Variants in CDH23 observed in about 807,000 individuals in gnomAD.
CDH23 encodes the protein cadherin-23.
In CDH23, 189 loss-of-function variants were observed where a neutral mutation model predicts 317.1. The observed-to-expected ratio is 0.60, with a 90% CI of 0.53 to 0.67. CDH23 has a LOEUF of 0.67. CDH23 is among the 30% of genes least tolerant of loss of function. CDH23 has a pLI of 0.00. For synonymous variants in CDH23, 1,839 were observed against 1,876.8 expected (o/e 0.98, Z 0.52); for missense variants, 4,401 against 4,592.4 (o/e 0.96, Z 1.20).
At chr10:71,453,052 C>T (rs577616026) in intron 3 of CDH23, among the ~76,000 whole-genome samples, 3 of 152,324 alleles carry the variant, frequency 2.0e-5, no homozygotes, top group Admixed American at 2.0e-4. Context: ...GCTCCCTGTC[C>T]TTCCTTTTGT....
intron 48 of CDH23, among the ~76,000 whole-genome samples, chr10:71,794,205 T>A (rs557536858): frequency 6.6e-6 from 1 of 152,326 alleles, no homozygotes; most frequent in African/African-American, 2.4e-5. Flanking sequence ...TTTCACCATG[T>A]TGGCCAGGCT....
intron 22 of CDH23, among the ~76,000 whole-genome samples, chr10:71,697,204 G>C (rs544237754): frequency 6.6e-6 from 1 of 152,200 alleles, no homozygotes; most frequent in African/African-American, 2.4e-5. Context: ...TGGTCCCCCC[G>C]CCCTTCACCA....
chr10:71,500,757 CTGTTT>C (rs1330420339), intron 3 of CDH23, among the ~76,000 whole-genome samples: 7 of 142,152 alleles, frequency 4.9e-5, no homozygotes, highest in Non-Finnish European at 7.6e-5. Context: ...CCCTCTGAGC[CTGTTT>C]TCTTTTCTTT....
intron 3 of CDH23, among the ~76,000 whole-genome samples, chr10:71,495,085 C>A (rs1852887552): frequency 6.6e-6 from 1 of 152,176 alleles, no homozygotes; most frequent in Admixed American, 6.5e-5. Context: ...CTGGGCTGGA[C>A]CCCCACTTCC....
chr10:71,615,912 C>T (rs1861163120), intron 10 of CDH23, among the ~76,000 whole-genome samples: 1 of 152,224 alleles, frequency 6.6e-6, no homozygotes. Flanking sequence ...ATCCTGTGGT[C>T]CTTCCTTACT....
At chr10:71,782,110 T>G (rs1327537961) in intron 41 of CDH23, among the ~76,000 whole-genome samples, 1 of 152,214 alleles carries the variant, frequency 6.6e-6, no homozygotes, top group Non-Finnish European at 1.5e-5. Context: ...GGGAGACAGA[T>G]GCCAGATTTC....
chr10:71,547,496 A>G (rs7080458), intron 6 of CDH23, among the ~76,000 whole-genome samples: 44,051 of 152,128 alleles, frequency 0.29, 7,260 homozygotes, highest in African/African-American at 0.43. Context: ...CTGGAGGTCA[A>G]CAGGAAGCCA....
At chr10:71,526,116 G>T (rs984041281) in intron 6 of CDH23, among the ~76,000 whole-genome samples, 1 of 152,240 alleles carries the variant, frequency 6.6e-6, no homozygotes, top group Non-Finnish European at 1.5e-5. Flanking sequence ...GGAGCAGGGG[G>T]TTCACCCATC....
chr10:71,656,344 G>GCC (rs1863416440), intron 14 of CDH23, among the ~76,000 whole-genome samples: 1 of 152,192 alleles, frequency 6.6e-6, no homozygotes, highest in South Asian at 2.1e-4. Context: ...GGCCTTCCTG[G>GCC]CCCTCTGGGA....
Position 71,687,850 on chromosome 10 carries a change from A to G in CDH23, c.2059+131A>G, listed in dbSNP as rs1038606056. 7.1e-6 allele frequency: 6 copies of G among 842,018 alleles called. No homozygotes were observed. The Admixed American group carries it at 1.3e-4, about 18-fold the overall frequency. The allele number at this position is 842,018 out of a possible 1,614,324, so 52.2% of individuals were successfully genotyped here. A position where few individuals can be genotyped will look rare whatever the true frequency, so the allele number is the denominator to read the frequency against. On this transcript the variant is annotated intron_variant, in intron 19 of 69. Coordinates refer to ENST00000224721, the MANE Select transcript of CDH23 (RefSeq NM_022124.6). Reference sequence around the variant, plus strand: ...CCATGGCCTTCTCTTTCCCCGGCCAAGCTCCTTGACAAATCGGGGAGCCTT... The same window carrying G: ...CCATGGCCTTCTCTTTCCCCGGCCAGGCTCCTTGACAAATCGGGGAGCCTT...
At chr10:71,469,966 GA>G in intron 3 of CDH23, among the ~76,000 whole-genome samples, 1 of 152,094 alleles carries the variant, frequency 6.6e-6, no homozygotes, top group East Asian at 1.9e-4. Flanking sequence ...TTAGGAATGA[GA>G]TTGCTGAATC....
intron 18 of CDH23, among the ~76,000 whole-genome samples, chr10:71,683,289 G>A (rs532877659): frequency 6.6e-6 from 1 of 152,332 alleles, no homozygotes; most frequent in Admixed American, 6.5e-5. Context: ...CGTGTTGATC[G>A]AAGAGTTAGT....
Position 71,566,935 on chromosome 10 carries a change from C to T in CDH23, c.623C>T (p.Thr208Ile), listed in dbSNP as rs749123528. 8.1e-6 allele frequency: 13 copies of T among 1,611,406 alleles called. No individual in the cohort carries two copies. In the Admixed American group the frequency reaches 2.0e-4, roughly 25 times the overall value. ...TQAYQLTVNA[T>I]DQDKTRPLST... ...GCCTACCAGCTCACGGTCAACGCCA[C>T]AGTGAGTCTCCATGCTGGGGCCCCG... is the stretch of plus-strand genomic sequence containing the variant. The change falls in exon 7 of 70, where the codon ACA becomes ATA. Residue 208 changes from threonine to isoleucine, a missense_variant and splice_region_variant. Thr to Ile is a moderately conservative substitution (Grantham distance 89, BLOSUM62 -1). Coordinates refer to ENST00000224721, the MANE Select transcript of CDH23 (RefSeq NM_022124.6).
intron 2 of CDH23, among the ~76,000 whole-genome samples, chr10:71,443,805 C>T (rs1032421500): frequency 1.3e-5 from 2 of 152,252 alleles, no homozygotes; most frequent in Non-Finnish European, 2.9e-5. Flanking sequence ...ACAGCTGCTG[C>T]GCTTTAACAG....
At chr10:71,549,177 G>T (rs1321495598) in intron 6 of CDH23, among the ~76,000 whole-genome samples, 9 of 152,234 alleles carry the variant, frequency 5.9e-5, no homozygotes, top group African/African-American at 2.2e-4. Flanking sequence ...AAGAGCTGGG[G>T]CTCCTTGGGC....
At chr10:71,466,415 T>G (rs1851256649) in intron 3 of CDH23, among the ~76,000 whole-genome samples, 1 of 151,988 alleles carries the variant, frequency 6.6e-6, no homozygotes, top group Admixed American at 6.6e-5. Flanking sequence ...TACCTGCCTG[T>G]GTGTGTGAGC....
At chr10:71,687,619 T>TC (rs758655673) in intron 18 of CDH23, 28 bp from the exon 19 acceptor site, 15 of 1,611,440 alleles carry the variant, frequency 9.3e-6, no homozygotes, top group Non-Finnish European at 1.3e-5. Flanking sequence ...CCCTGCAGCC[T>TC]CCTGCAACCT....
intron 9 of CDH23, among the ~76,000 whole-genome samples, chr10:71,614,875 G>A (rs779441026): frequency 6.6e-6 from 1 of 152,176 alleles, no homozygotes; most frequent in Non-Finnish European, 1.5e-5. Flanking sequence ...CAGAGACATC[G>A]GTTTGAGGCA....
At chr10:71,650,577 A>G (rs1863120971) in intron 14 of CDH23, among the ~76,000 whole-genome samples, 1 of 152,168 alleles carries the variant, frequency 6.6e-6, no homozygotes, top group Non-Finnish European at 1.5e-5. Flanking sequence ...GTGCCTGTGC[A>G]CGTACATGTT....
Sources: gnomAD v4.1 joint callset for allele counts (sites outside exome capture counted in the v4.1 genomes callset) on GRCh38, gnomAD v4.1.1 for gene constraint, MANE v1.5 for transcripts, NCBI Gene and HGNC (gene_info 2026-07-23, HGNC 2026-07-21) for gene names.